ADGRF5: variants seen among roughly 807,000 people sequenced by gnomAD.
The protein encoded by ADGRF5 is adhesion G protein-coupled receptor F5.
Under a neutral mutation model 132.3 loss-of-function variants are expected in ADGRF5, and 75 were observed. The ratio of observed to expected loss-of-function variants is 0.57; its 90% CI spans 0.47 to 0.69. ADGRF5 has a LOEUF of 0.69. ADGRF5 is among the 30% of genes least tolerant of loss of function. The pLI, the probability that ADGRF5 is intolerant of heterozygous loss-of-function variation, is 0.00. For missense variants in ADGRF5, 1,516 were observed against 1,630.6 expected, an observed-to-expected ratio of 0.93 and a Z score of 1.21; for synonymous variants, 629 against 597.6, an observed-to-expected ratio of 1.05 and a Z score of -0.77.
chr6:46,883,018 G>C (rs917344068), intron 6 of ADGRF5, among the ~76,000 whole-genome samples: 1 of 152,196 alleles, frequency 6.6e-6, no homozygotes, highest in African/African-American at 2.4e-5. Context: ...AAAGTGTTTA[G>C]GTTTAGATGG....
chr6:46,854,227 C>T (rs1333471077), intron 20 of ADGRF5, among the ~76,000 whole-genome samples, 156 bp from the exon 21 acceptor site: 1 of 152,168 alleles, frequency 6.6e-6, no homozygotes, highest in Non-Finnish European at 1.5e-5. Context: ...CTCCCAAGAC[C>T]CAGAAATGCC....
intron 1 of ADGRF5, among the ~76,000 whole-genome samples, chr6:46,913,112 C>T (rs1196470280): frequency 5.3e-5 from 8 of 152,150 alleles, no homozygotes; most frequent in Admixed American, 1.3e-4. Context: ...TAAATAGTGG[C>T]TAATCGCCTG....
At chr6:46,898,233 T>C (rs1774385648) in intron 3 of ADGRF5, among the ~76,000 whole-genome samples, 1 of 152,184 alleles carries the variant, frequency 6.6e-6, no homozygotes, top group South Asian at 2.1e-4. Flanking sequence ...ACAGCTGTAG[T>C]CACCCACTGC....
rs116105174 is a variant in ADGRF5, at chr6:46,919,000, T to C, written c.-25+2713A>G. 8.8e-3 allele frequency among the ~76,000 whole-genome samples: 1,329 copies of C among 151,858 alleles called. 16 individuals are homozygous for C. The highest frequency in any genetic ancestry group is 0.029 in the African/African-American group (1,190 of 41,544). On this transcript the variant is annotated intron_variant, in intron 1 of 20. Coordinates refer to ENST00000283296, the MANE Select transcript of ADGRF5 (RefSeq NM_001098518.2). ...CATGCCCTGGCCCCATCCTCAGAGA[T>C]AGTGATTCAGTTTCTCTGGCAAAGT...
intron 13 of ADGRF5, 30 bp downstream of exon 13, chr6:46,866,895 A>T (rs765702875): frequency 6.7e-6 from 9 of 1,351,410 alleles, no homozygotes; most frequent in Non-Finnish European, 9.6e-6. Context: ...GAAATAATAT[A>T]CCCTAACAAT....
At chr6:46,916,352 C>G (rs1776414612) in intron 1 of ADGRF5, among the ~76,000 whole-genome samples, 1 of 152,206 alleles carries the variant, frequency 6.6e-6, no homozygotes, top group African/African-American at 2.4e-5. Flanking sequence ...CTCTCCTAAC[C>G]CATCCCTTCC....
chr6:46,925,270 A>G (rs146790098), upstream of ADGRF5, among the ~76,000 whole-genome samples: 143 of 151,924 alleles, frequency 9.4e-4, 1 homozygote, highest in South Asian at 5.4e-3. Flanking sequence ...TTTCCTCAAG[A>G]CTCACTCCAT....
At chr6:46,938,667 T>C (rs1777937564) in intron 1 of ADGRF5, among the ~76,000 whole-genome samples, 1 of 152,148 alleles carries the variant, frequency 6.6e-6, no homozygotes. Context: ...TGACCAGGAC[T>C]TCTGGGTTCC....
At chr6:46,936,019 T>C (rs1171252340) in intron 1 of ADGRF5, among the ~76,000 whole-genome samples, 1 of 152,228 alleles carries the variant, frequency 6.6e-6, no homozygotes, top group African/African-American at 2.4e-5. Context: ...TGCAGCAGTT[T>C]CCACACCTAT....
chr6:46,924,518 G>A (rs919515385), upstream of ADGRF5, among the ~76,000 whole-genome samples: 1 of 152,142 alleles, frequency 6.6e-6, no homozygotes, highest in African/African-American at 2.4e-5. Context: ...CTTCTCTGTT[G>A]ACACTTATTT....
At chr6:46,928,944 G>A (rs958179271) in intron 1 of ADGRF5, among the ~76,000 whole-genome samples, 16 of 152,140 alleles carry the variant, frequency 1.1e-4, no homozygotes, top group Non-Finnish European at 1.9e-4. Flanking sequence ...CGATTCCTCA[G>A]GGATCTAGAA....
intron 12 of ADGRF5, among the ~76,000 whole-genome samples, chr6:46,868,076 T>C (rs1451466093): frequency 6.6e-6 from 1 of 152,166 alleles, no homozygotes; most frequent in Admixed American, 6.5e-5. Context: ...GCCTAGGCCT[T>C]ATATGAAAAT....
intron 1 of ADGRF5, among the ~76,000 whole-genome samples, chr6:46,915,389 G>C (rs549341019): frequency 2.0e-5 from 3 of 152,242 alleles, no homozygotes; most frequent in Admixed American, 2.0e-4. Context: ...CTAGACCTTA[G>C]CAGTGTCATT....
Position 46,928,467 on chromosome 6 carries a change from G to T in ADGRF5, c.-24-21681C>A, listed in dbSNP as rs552269961. ...GAAGGGTGGATGTTACTATTTTATT[G>T]GGATATTCTGACCACCTCTTCACTG... On this transcript the variant is annotated intron_variant, in intron 1 of 20. Coordinates refer to the ADGRF5 transcript ENST00000265417. 2.7e-4 allele frequency among the ~76,000 whole-genome samples: 41 copies of T among 152,136 alleles called. No homozygotes were observed. The South Asian group carries it at 8.3e-3, about 31-fold the overall frequency.
intron 1 of ADGRF5, among the ~76,000 whole-genome samples, chr6:46,911,424 C>T (rs1236842258): frequency 6.6e-6 from 1 of 152,210 alleles, no homozygotes; most frequent in Non-Finnish European, 1.5e-5. Context: ...TAATTACTGT[C>T]AAACAATTTT....
intron 12 of ADGRF5, among the ~76,000 whole-genome samples, chr6:46,867,496 G>C (rs1292623868): frequency 6.6e-6 from 1 of 152,206 alleles, no homozygotes; most frequent in African/African-American, 2.4e-5. Context: ...GCCGTGCGCA[G>C]AGGTGGGGAG....
At chr6:46,891,519 T>C (rs1773635752) in intron 3 of ADGRF5, among the ~76,000 whole-genome samples, 1 of 152,196 alleles carries the variant, frequency 6.6e-6, no homozygotes, top group East Asian at 1.9e-4. Context: ...ATAAACAGGA[T>C]TTCCTGGATG....
rs1561838733 is a variant in ADGRF5, at chr6:46,941,421, G to GAAAAGAAAAGAA, written c.-25+13301_-25+13312dup. 2.0e-3 allele frequency among the ~76,000 whole-genome samples: 80 copies of GAAAAGAAAAGAA among 39,122 alleles called. 1 individual carries two copies. The highest frequency in any genetic ancestry group is 5.7e-3 in the African/African-American group (71 of 12,532). 25.7% of individuals were successfully genotyped at this position (39,122 alleles called of 152,430 possible). A position where few individuals can be genotyped will look rare whatever the true frequency, so the allele number is the denominator to read the frequency against. On this transcript the variant is annotated intron_variant, in intron 1 of 20. Transcript: ENST00000265417. ...GAAAAGAAAAGAAAAGAAAAGAAAA[G>GAAAAGAAAAGAA]AAAAGAAAAGAAAAGAAAAGAAAAG...
chr6:46,888,755 G>T lies in ADGRF5; in HGVS notation c.158-250C>A, dbSNP rs574910260. Reference sequence around the variant, plus strand: ...GGCAAGAGCGGAAGCAGAGAGAATAGCAGGGAGGGTCTGGGAACTGTTCGG... The same window carrying T: ...GGCAAGAGCGGAAGCAGAGAGAATATCAGGGAGGGTCTGGGAACTGTTCGG... On this transcript the variant is annotated intron_variant, in intron 3 of 20. Coordinates refer to ENST00000283296, the MANE Select transcript of ADGRF5 (RefSeq NM_001098518.2). Among the ~76,000 whole-genome samples the T allele has an allele frequency of 2.0e-5, 3 of 152,312 alleles. No individual in the cohort carries two copies. In the East Asian group the frequency reaches 5.8e-4, roughly 29 times the overall value.
Sources: gnomAD v4.1 joint callset for allele counts (sites outside exome capture counted in the v4.1 genomes callset) on GRCh38, gnomAD v4.1.1 for gene constraint, MANE v1.5 for transcripts, NCBI Gene and HGNC (gene_info 2026-07-23, HGNC 2026-07-21) for gene names.